TRAPPC10: variants seen among roughly 807,000 people sequenced by gnomAD.
TRAPPC10 encodes the protein TRAPP 130 kDa subunit.
Under a neutral mutation model 125.5 loss-of-function variants are expected in TRAPPC10, and 23 were observed. The ratio of observed to expected loss-of-function variants is 0.18; its 90% CI spans 0.13 to 0.26. The LOEUF (loss-of-function observed/expected upper bound fraction) is 0.26. TRAPPC10 is among the 10% of genes least tolerant of loss of function. The pLI is 1.00. For synonymous variants in TRAPPC10, 509 were observed against 518.0 expected, an observed-to-expected ratio of 0.98 and a Z score of 0.24; for missense variants, 1,123 against 1,308.4, an observed-to-expected ratio of 0.86 and a Z score of 2.19.
intron 20 of TRAPPC10, among the ~76,000 whole-genome samples, chr21:44,095,912 G>A (rs181301887): frequency 1.3e-5 from 2 of 148,184 alleles, no homozygotes; most frequent in African/African-American, 2.5e-5. Flanking sequence ...AATTCTCCTG[G>A]TAAAGACCTG....
intron 7 of TRAPPC10, among the ~76,000 whole-genome samples, chr21:44,067,185 C>T (rs952429069): frequency 2.6e-5 from 4 of 152,160 alleles, no homozygotes; most frequent in Admixed American, 6.5e-5. Context: ...CATGGGACGC[C>T]GTCGGAGTTA....
Position 44,076,532 on chromosome 21 carries a change from C to CT in TRAPPC10, c.1301-19dup. The CT allele has an allele frequency of 1.2e-6, 2 of 1,603,440 alleles. No individual in the cohort carries two copies. The highest frequency in any genetic ancestry group is 1.7e-6 in the Non-Finnish European group (2 of 1,170,454). ...GACATGATGAAGATGAAGAGGGACT[C>CT]TCGTTTCTTTCTGTTTAAGCCAACA... On this transcript the variant is annotated intron_variant, in intron 9 of 22. Coordinates refer to ENST00000291574, the MANE Select transcript of TRAPPC10 (RefSeq NM_003274.5).
At chr21:44,026,247 A>G (rs1403586487) in intron 1 of TRAPPC10, among the ~76,000 whole-genome samples, 1 of 151,974 alleles carries the variant, frequency 6.6e-6, no homozygotes, top group African/African-American at 2.4e-5. Flanking sequence ...TCACGGACAG[A>G]TACTCTGGCA....
At chr21:44,015,000 C>T (rs556439964) in intron 1 of TRAPPC10, among the ~76,000 whole-genome samples, 7 of 152,220 alleles carry the variant, frequency 4.6e-5, no homozygotes, top group South Asian at 2.1e-4. Flanking sequence ...TTCAGCTATA[C>T]ATGTTTTGAA....
At chr21:44,019,064 C>CT (rs199681431) in intron 1 of TRAPPC10, among the ~76,000 whole-genome samples, 4,442 of 148,748 alleles carry the variant, frequency 0.03, 90 homozygotes, top group Non-Finnish European at 0.048. Context: ...ATTACAGGGT[C>CT]TTTTTTTTTT....
chr21:44,089,407 C>G (rs1048817019), intron 17 of TRAPPC10: 1 of 381,642 alleles, frequency 2.6e-6, no homozygotes, highest in South Asian at 1.9e-5. Context: ...TTAGATAATT[C>G]ATTAACTATG....
chr21:44,081,552 G>A (rs942338332), intron 13 of TRAPPC10, among the ~76,000 whole-genome samples: 1 of 152,120 alleles, frequency 6.6e-6, no homozygotes, highest in Admixed American at 6.5e-5. Context: ...GAGCCACCAC[G>A]CTGGGCCCCA....
chr21:44,024,555 T>C (rs2032871989), intron 1 of TRAPPC10, among the ~76,000 whole-genome samples: 1 of 152,234 alleles, frequency 6.6e-6, no homozygotes, highest in East Asian at 1.9e-4. Context: ...TTTTTGACAG[T>C]TCTTATTGGC....
intron 1 of TRAPPC10, among the ~76,000 whole-genome samples, chr21:44,022,091 GTTTC>G (rs1215630837): frequency 1.5e-5 from 2 of 137,012 alleles, no homozygotes; most frequent in African/African-American, 2.7e-5. Flanking sequence ...CACCTAAAAC[GTTTC>G]TTTCTTTCTT....
In TRAPPC10 at chr21:44,017,954, C is replaced by G. The variant is rs145532959; in HGVS notation, c.67+5394C>G. On this transcript the variant is annotated intron_variant, in intron 1 of 22. Transcript: ENST00000291574. ...CCTCTCTGCGTAGTGTGTGGGAAGC[C>G]TAGGTACACAGTTTGGGAACCCGTG... Among the ~76,000 whole-genome samples the G allele has an allele frequency of 1.2e-3, 181 of 152,134 alleles. 2 individuals are homozygous for G. Among genetic ancestry groups the G allele is most frequent in the Non-Finnish European group, 1.6e-3 (108 of 68,010 alleles).
At chr21:44,035,554 C>G (rs1297161481) in intron 2 of TRAPPC10, among the ~76,000 whole-genome samples, 1 of 152,046 alleles carries the variant, frequency 6.6e-6, no homozygotes, top group Non-Finnish European at 1.5e-5. Context: ...CTTGGGAGGC[C>G]AAGGCGGGTA....
chr21:44,066,776 G>A (rs2036484411), intron 7 of TRAPPC10, among the ~76,000 whole-genome samples: 1 of 152,054 alleles, frequency 6.6e-6, no homozygotes, highest in African/African-American at 2.4e-5. Flanking sequence ...ATACATCTTT[G>A]TGTGTAAATT....
In TRAPPC10 at chr21:44,087,091, T is replaced by C. The variant is rs549271059; in HGVS notation, c.2539+131T>C. The C allele has an allele frequency of 6.7e-5, 71 of 1,060,720 alleles. No individual in the cohort carries two copies. The East Asian group carries it at 1.6e-3, about 23-fold the overall frequency. The allele number at this position is 1,060,720 out of a possible 1,614,324, so 65.7% of individuals were successfully genotyped here. ...AACAGTGTCTGGAGTCCGTGTTCCA[T>C]AGGAGCCCTGCGGCCTGATGCCTGT... On this transcript the variant is annotated intron_variant, in intron 16 of 22. Transcript: ENST00000291574. The surrounding 1 kb of genome is among the most constrained non-coding windows in gnomAD (Gnocchi z 4.6).
chr21:44,075,453 A>C (rs551440909), intron 9 of TRAPPC10, among the ~76,000 whole-genome samples: 4 of 152,146 alleles, frequency 2.6e-5, no homozygotes, highest in Admixed American at 2.6e-4. Flanking sequence ...TCTGAATTAC[A>C]GATGATCTGT....
intron 13 of TRAPPC10, among the ~76,000 whole-genome samples, chr21:44,080,371 T>C (rs2146082602): frequency 6.6e-6 from 1 of 152,280 alleles, no homozygotes; most frequent in East Asian, 1.9e-4. Context: ...TTAATAAGGT[T>C]CTAATATCAT....
intron 13 of TRAPPC10, among the ~76,000 whole-genome samples, chr21:44,081,249 T>G (rs1038530082): frequency 1.3e-5 from 2 of 152,058 alleles, no homozygotes; most frequent in African/African-American, 4.8e-5. Context: ...CAACCTCTGC[T>G]TTTTGGGCTC....
intron 3 of TRAPPC10, among the ~76,000 whole-genome samples, chr21:44,050,539 A>G (rs1182212784): frequency 6.6e-6 from 1 of 152,172 alleles, no homozygotes; most frequent in African/African-American, 2.4e-5. Context: ...CTTGGCAGTC[A>G]CAGGCTCTGG....
At chr21:44,016,678 A>G (rs1451623364) in intron 1 of TRAPPC10, among the ~76,000 whole-genome samples, 1 of 152,108 alleles carries the variant, frequency 6.6e-6, no homozygotes, top group Non-Finnish European at 1.5e-5. Context: ...TTATTTTTTG[A>G]GACGGAGTCT....
At chr21:44,018,346 A>G (rs182750633) in intron 1 of TRAPPC10, among the ~76,000 whole-genome samples, 12 of 151,972 alleles carry the variant, frequency 7.9e-5, no homozygotes, top group Non-Finnish European at 1.6e-4. Flanking sequence ...TCAAGGCTGC[A>G]GTGATCTGTG....
Sources: gnomAD v4.1 joint callset for allele counts (sites outside exome capture counted in the v4.1 genomes callset) on GRCh38, gnomAD v4.1.1 for gene constraint, Gnocchi (gnomAD v3.1) non-coding constraint, MANE v1.5 for transcripts, NCBI Gene and HGNC (gene_info 2026-07-23, HGNC 2026-07-21) for gene names.